The following GRM8 variants were observed in gnomAD, a reference collection of about 807,000 sequenced individuals.
GRM8 encodes the protein glutamate metabotropic receptor 8.
GRM8 carries 47 observed loss-of-function variants against 87.2 expected under a neutral mutation model. The observed-to-expected ratio is 0.54, with a 90% CI of 0.43 to 0.69. The LOEUF (loss-of-function observed/expected upper bound fraction) is 0.69. Ranked by LOEUF, GRM8 falls within the 30% of genes least tolerant of loss-of-function variation. The pLI is 0.00. For missense variants in GRM8, 1,019 were observed against 1,139.2 expected (o/e 0.89, Z 1.52); for synonymous variants, 396 against 404.5 (o/e 0.98, Z 0.25).
intron 9 of GRM8, among the ~76,000 whole-genome samples, chr7:126,473,438 C>G (rs1347359694): frequency 6.6e-6 from 1 of 152,118 alleles, no homozygotes; most frequent in African/African-American, 2.4e-5. Context: ...GCGAATTTCT[C>G]CCATTTGGAA....
chr7:127,211,884 G>A lies in GRM8; in HGVS notation c.510+30811C>T, dbSNP rs541678595. On this transcript the variant is annotated intron_variant, in intron 2 of 10. Transcript: ENST00000339582. ...GTCTAAGGTGTTTTGTTATAGCAAC[G>A]GGAACAGACTAACACAACCCTATAC... Among the ~76,000 whole-genome samples the A allele has an allele frequency of 6.6e-5, 10 of 152,252 alleles. No homozygotes were observed. The South Asian group carries it at 1.0e-3, about 16-fold the overall frequency.
At chr7:126,955,998 T>A (rs1038693310) in intron 3 of GRM8, among the ~76,000 whole-genome samples, 2 of 152,114 alleles carry the variant, frequency 1.3e-5, no homozygotes, top group Non-Finnish European at 2.9e-5. Context: ...AGTGAGTAAA[T>A]TAAATGGCAC....
At chr7:126,448,323 T>C (rs940805501) in intron 9 of GRM8, among the ~76,000 whole-genome samples, 2 of 151,948 alleles carry the variant, frequency 1.3e-5, no homozygotes, top group Non-Finnish European at 2.9e-5. Flanking sequence ...TTGGATTTTT[T>C]AAATGTGCCT....
At chr7:127,213,856 C>G (rs1796363932) in intron 2 of GRM8, among the ~76,000 whole-genome samples, 2 of 152,196 alleles carry the variant, frequency 1.3e-5, no homozygotes, top group African/African-American at 2.4e-5. Flanking sequence ...GCAATTTCTA[C>G]TAATGCTGAA....
intron 6 of GRM8, among the ~76,000 whole-genome samples, chr7:126,892,893 G>A (rs1447986532): frequency 6.6e-6 from 1 of 151,924 alleles, no homozygotes; most frequent in South Asian, 2.1e-4. Flanking sequence ...GCCAGTGATG[G>A]TGAGCATTTT....
rs80311032 is a variant in GRM8, at chr7:126,479,856, T to C, written c.2431-33484A>G. On this transcript the variant is annotated intron_variant, in intron 9 of 10. Coordinates refer to ENST00000339582, the MANE Select transcript of GRM8 (RefSeq NM_000845.3). Reference sequence around the variant, plus strand: ...CAAATTGTCTTCCAAAGTAGCTCTATCATATTATAATCTCAGCAATATACA... The same window carrying C: ...CAAATTGTCTTCCAAAGTAGCTCTACCATATTATAATCTCAGCAATATACA... Among the ~76,000 whole-genome samples, 461 of 152,166 alleles carry C rather than the reference T, an allele frequency of 3.0e-3. 2 individuals carry two copies. The highest frequency in any genetic ancestry group is 0.011 in the African/African-American group (452 of 41,548).
intron 7 of GRM8, among the ~76,000 whole-genome samples, chr7:126,706,975 T>C (rs1428254709): frequency 6.6e-6 from 1 of 152,134 alleles, no homozygotes; most frequent in East Asian, 1.9e-4. Flanking sequence ...AGCTGCTCTC[T>C]CTTCAAGACA....
chr7:127,237,273 A>G (rs143280037), intron 2 of GRM8, among the ~76,000 whole-genome samples: 4 of 152,262 alleles, frequency 2.6e-5, no homozygotes, highest in East Asian at 1.9e-4. Context: ...CCAATATTCC[A>G]TTATCTATTG....
At chr7:126,906,372 G>A (rs1208701170) in intron 3 of GRM8, among the ~76,000 whole-genome samples, 1 of 152,138 alleles carries the variant, frequency 6.6e-6, no homozygotes, top group Non-Finnish European at 1.5e-5. Context: ...CTAGAGTGCA[G>A]TGGCCAGATC....
chr7:126,862,897 T>C (rs187554239), intron 6 of GRM8, among the ~76,000 whole-genome samples: 48 of 152,204 alleles, frequency 3.2e-4, no homozygotes, highest in African/African-American at 9.9e-4. Context: ...AACATCCTTT[T>C]CAAAAATCCA....
intron 8 of GRM8, among the ~76,000 whole-genome samples, chr7:126,549,168 C>T (rs1792290154): frequency 6.6e-6 from 1 of 151,962 alleles, no homozygotes; most frequent in African/African-American, 2.4e-5. Context: ...AAAGAGAAGA[C>T]AGAGGCTATT....
chr7:127,181,864 AAC>A (rs1794456769), intron 2 of GRM8, among the ~76,000 whole-genome samples: 1 of 152,144 alleles, frequency 6.6e-6, no homozygotes, highest in African/African-American at 2.4e-5. Flanking sequence ...TAAGGACTGA[AAC>A]CTAAAACCTG....
intron 3 of GRM8, among the ~76,000 whole-genome samples, chr7:127,004,388 G>C (rs1586727325): frequency 6.6e-6 from 1 of 151,584 alleles, no homozygotes; most frequent in South Asian, 2.1e-4. Context: ...AAACATTTGA[G>C]AAACATCACA....
intron 8 of GRM8, among the ~76,000 whole-genome samples, chr7:126,601,752 G>C (rs1188924560): frequency 6.8e-6 from 1 of 147,060 alleles, no homozygotes; most frequent in East Asian, 2.0e-4. Flanking sequence ...GTCTGTTCAT[G>C]TCCTTTGCCC....
Position 126,564,415 on chromosome 7 carries a change from G to T in GRM8, c.1495-30528C>A, listed in dbSNP as rs573386399. ...AAGATATTTCCCCATTGCAACTGAT[G>T]CCAATGAAATAAAATAAATTATAAG... is the stretch of plus-strand genomic sequence containing the variant. On this transcript the variant is annotated intron_variant, in intron 8 of 10. Transcript: ENST00000339582. Among the ~76,000 whole-genome samples, 65 of 152,138 alleles carry T rather than the reference G, an allele frequency of 4.3e-4. 1 individual carries two copies. The highest frequency in any genetic ancestry group is 1.5e-3 in the African/African-American group (61 of 41,514).
At chr7:127,227,563 C>T (rs1797416715) in intron 2 of GRM8, among the ~76,000 whole-genome samples, 1 of 152,206 alleles carries the variant, frequency 6.6e-6, no homozygotes, top group South Asian at 2.1e-4. Context: ...TAAGCGCAAA[C>T]CACAAGTATT....
chr7:126,452,979 C>G (rs1294094674), intron 9 of GRM8, among the ~76,000 whole-genome samples: 1 of 151,504 alleles, frequency 6.6e-6, no homozygotes, highest in Non-Finnish European at 1.5e-5. Flanking sequence ...AACCTGTTCT[C>G]TATTCATCTT....
chr7:126,573,091 T>A (rs1794816671), intron 8 of GRM8, among the ~76,000 whole-genome samples: 1 of 152,168 alleles, frequency 6.6e-6, no homozygotes, highest in East Asian at 1.9e-4. Flanking sequence ...GCCAGCAACA[T>A]CCTCTTTTAA....
At chr7:126,556,432 A>C (rs913484752) in intron 8 of GRM8, among the ~76,000 whole-genome samples, 1 of 150,982 alleles carries the variant, frequency 6.6e-6, no homozygotes, top group African/African-American at 2.4e-5. Flanking sequence ...GGATCACCTG[A>C]GGTCAGGAGT....
Sources: gnomAD v4.1 joint callset for allele counts (sites outside exome capture counted in the v4.1 genomes callset) on GRCh38, gnomAD v4.1.1 for gene constraint, MANE v1.5 for transcripts, NCBI Gene and HGNC (gene_info 2026-07-23, HGNC 2026-07-21) for gene names.